NRXN1: variants seen among roughly 807,000 people sequenced by gnomAD.
The protein encoded by NRXN1 is neurexin-1.
Under a neutral mutation model 150.9 loss-of-function variants are expected in NRXN1, and 39 were observed. The observed-to-expected ratio is 0.26, with a 90% CI of 0.20 to 0.34. The LOEUF (loss-of-function observed/expected upper bound fraction) is 0.34. NRXN1 is among the 10% of genes least tolerant of loss of function. The pLI, the probability that NRXN1 is intolerant of heterozygous loss-of-function variation, is 1.00. For missense variants in NRXN1, 1,815 were observed against 1,949.9 expected (o/e 0.93, Z 1.30); for synonymous variants, 924 against 757.0 (o/e 1.22, Z -3.62).
At chr2:50,382,236 T>G (rs1019473514) in intron 17 of NRXN1, among the ~76,000 whole-genome samples, 1 of 152,192 alleles carries the variant, frequency 6.6e-6, no homozygotes, top group Non-Finnish European at 1.5e-5. Flanking sequence ...ATCATCTTGT[T>G]AAATTAATTT....
At chr2:50,095,923 C>T (rs908770992) in intron 18 of NRXN1, among the ~76,000 whole-genome samples, 2 of 145,960 alleles carry the variant, frequency 1.4e-5, no homozygotes, top group African/African-American at 5.1e-5. Flanking sequence ...TCTCCTAACG[C>T]TATCCCTCCC....
At chr2:50,142,598 T>C (rs1025730683) in intron 18 of NRXN1, among the ~76,000 whole-genome samples, 1 of 151,792 alleles carries the variant, frequency 6.6e-6, no homozygotes, top group Non-Finnish European at 1.5e-5. Flanking sequence ...TAAAAATGTA[T>C]ATCAATTAAA....
intron 18 of NRXN1, among the ~76,000 whole-genome samples, chr2:50,194,864 T>A (rs540608050): frequency 3.7e-4 from 57 of 152,270 alleles, no homozygotes; most frequent in African/African-American, 1.3e-3. Flanking sequence ...TCCTCTTTGT[T>A]CAAATTAAAG....
At chr2:50,299,648 T>C (rs918454437) in intron 17 of NRXN1, among the ~76,000 whole-genome samples, 2 of 152,206 alleles carry the variant, frequency 1.3e-5, no homozygotes, top group African/African-American at 4.8e-5. Flanking sequence ...TTGTTTTGTC[T>C]GAACTTTTTA....
At chr2:50,064,757 C>G (rs964894276) in intron 19 of NRXN1, among the ~76,000 whole-genome samples, 2 of 152,112 alleles carry the variant, frequency 1.3e-5, no homozygotes, top group African/African-American at 2.4e-5. Flanking sequence ...ATAAATACAT[C>G]AATGCCTTGT....
rs148436605 is a variant in NRXN1 at position 50,910,837 on chromosome 2, T to C, written c.832+11032A>G. On this transcript the variant is annotated intron_variant, in intron 5 of 22. Transcript: ENST00000401669. ...CAAAAAAGTAAGATTCAGTCTATCA[T>C]TGGATTCTGCTTCCTCTATAACTCC... 2.9e-4 allele frequency among the ~76,000 whole-genome samples: 44 copies of C among 152,084 alleles called. 1 individual carries two copies. The highest frequency in any genetic ancestry group is 1.0e-3 in the African/African-American group (43 of 41,532).
chr2:50,480,434 C>G (rs890402727), intron 15 of NRXN1, among the ~76,000 whole-genome samples: 8 of 152,162 alleles, frequency 5.3e-5, no homozygotes, highest in African/African-American at 1.4e-4. Context: ...ATGCATCCTC[C>G]ATAGGCATAT....
At chr2:50,373,105 T>C (rs948211396) in intron 17 of NRXN1, among the ~76,000 whole-genome samples, 39 of 151,926 alleles carry the variant, frequency 2.6e-4, no homozygotes, top group Non-Finnish European at 1.5e-5. Context: ...TGTTTTAACA[T>C]CTCAACAAGT....
chr2:49,943,598 T>C (rs1672382587), intron 22 of NRXN1, 106 bp downstream of exon 22: 1 of 756,582 alleles, frequency 1.3e-6, no homozygotes. Flanking sequence ...AACGATGGTA[T>C]AGGAGGGTAG....
chr2:50,762,396 C>T (rs1193982887), intron 5 of NRXN1, among the ~76,000 whole-genome samples: 3 of 151,508 alleles, frequency 2.0e-5, no homozygotes, highest in African/African-American at 7.3e-5. Flanking sequence ...CTTGGGTATA[C>T]TTTGTGATGC....
At chr2:50,598,638 ATGTG>A (rs1161531841) in intron 8 of NRXN1, among the ~76,000 whole-genome samples, 56 of 146,804 alleles carry the variant, frequency 3.8e-4, no homozygotes, top group African/African-American at 1.0e-3. Context: ...ATATGTATAT[ATGTG>A]TGTGTATCTA....
intron 12 of NRXN1, among the ~76,000 whole-genome samples, chr2:50,511,503 C>G (rs1223213875): frequency 6.6e-6 from 1 of 152,178 alleles, no homozygotes; most frequent in African/African-American, 2.4e-5. Flanking sequence ...GTACAACAGC[C>G]AAATTTTTTG....
intron 5 of NRXN1, among the ~76,000 whole-genome samples, chr2:50,739,580 T>C (rs940278656): frequency 6.6e-6 from 1 of 152,140 alleles, no homozygotes; most frequent in Non-Finnish European, 1.5e-5. Context: ...CCTTACTAAA[T>C]AAAACAAGCT....
At chr2:50,667,441 T>A (rs2104697245) in intron 5 of NRXN1, among the ~76,000 whole-genome samples, 1 of 152,084 alleles carries the variant, frequency 6.6e-6, no homozygotes, top group South Asian at 2.1e-4. Flanking sequence ...TTTAGTTCCT[T>A]TCAGTATATC....
Position 50,434,246 on chromosome 2 carries a change from T to C in NRXN1, c.3364+31196A>G, listed in dbSNP as rs1207016305. Among the ~76,000 whole-genome samples the C allele has an allele frequency of 2.1e-5, 3 of 145,664 alleles. No homozygotes were observed. The East Asian group carries it at 6.2e-4, about 30-fold the overall frequency. On this transcript the variant is annotated intron_variant, in intron 17 of 22. Transcript: ENST00000401669. ...GGCTAATTTTTTGTATTTTTTGTTG[T>C]TGTTGTTGCTTTTTTTTGGTAGAGA... is the stretch of plus-strand genomic sequence containing the variant.
chr2:50,306,237 T>G (rs2074597273), intron 17 of NRXN1, among the ~76,000 whole-genome samples: 1 of 152,218 alleles, frequency 6.6e-6, no homozygotes, highest in Admixed American at 6.5e-5. Context: ...AGTGAATTCA[T>G]TGAGTAGTCT....
intron 18 of NRXN1, among the ~76,000 whole-genome samples, chr2:50,158,061 T>C (rs2059131538): frequency 9.5e-6 from 1 of 105,508 alleles, no homozygotes; most frequent in Admixed American, 1.1e-4. Context: ...TTATAAGAAG[T>C]TGAGTGTGTG....
At chr2:51,021,311 A>T (rs1237635640) in intron 2 of NRXN1, among the ~76,000 whole-genome samples, 1 of 151,934 alleles carries the variant, frequency 6.6e-6, no homozygotes. Context: ...TTCAGTACAT[A>T]TTTATAGGAG....
chr2:50,245,381 T>A (rs966509134), intron 17 of NRXN1, among the ~76,000 whole-genome samples: 9 of 151,924 alleles, frequency 5.9e-5, no homozygotes, highest in African/African-American at 2.2e-4. Context: ...CCAATAATCC[T>A]AAGAACATCA....
Sources: allele counts gnomAD v4.1 joint callset (sites outside exome capture counted in the v4.1 genomes callset), GRCh38; gene constraint gnomAD v4.1.1; transcripts MANE v1.5; gene names NCBI Gene and HGNC (gene_info 2026-07-23, HGNC 2026-07-21).